Variants in IL1RAPL2 observed in about 807,000 individuals in gnomAD.
IL1RAPL2 encodes the protein X-linked interleukin-1 receptor accessory protein-like 2.
IL1RAPL2 carries 3 observed loss-of-function variants against 44.1 expected under a neutral mutation model. The ratio of observed to expected loss-of-function variants is 0.07; its 90% CI spans 0.03 to 0.18. The LOEUF (loss-of-function observed/expected upper bound fraction) is 0.18, where lower values mean the gene tolerates loss of function less well. IL1RAPL2 is among the 10% of genes least tolerant of loss of function. The pLI, the probability that IL1RAPL2 is intolerant of heterozygous loss-of-function variation, is 1.00. For missense variants in IL1RAPL2, 391 were observed against 496.4 expected (o/e 0.79, Z 2.02); for synonymous variants, 181 against 178.8 (o/e 1.01, Z -0.10).
intron 2 of IL1RAPL2, among the ~76,000 whole-genome samples, chrX:105,029,761 A>G (rs1325040778): frequency 9.0e-6 from 1 of 111,147 alleles, no homozygotes; most frequent in Non-Finnish European, 1.9e-5. Flanking sequence ...CTTTGGGTAT[A>G]TACCCAGTAA....
chrX:105,356,542 T>A (rs1019589936), intron 5 of IL1RAPL2, among the ~76,000 whole-genome samples: 2 of 111,907 alleles, frequency 1.8e-5, no homozygotes, highest in African/African-American at 6.5e-5. Flanking sequence ...GATAATGTTC[T>A]TTGTAAAAGG....
intron 2 of IL1RAPL2, among the ~76,000 whole-genome samples, chrX:104,911,581 G>T (rs1924238802): frequency 8.9e-6 from 1 of 111,762 alleles, no homozygotes; most frequent in African/African-American, 3.3e-5. Flanking sequence ...TCTTCCTGCA[G>T]TGGTCTCTGT....
chrX:104,900,116 A>T (rs1325594955), intron 2 of IL1RAPL2, among the ~76,000 whole-genome samples: 1 of 112,115 alleles, frequency 8.9e-6, no homozygotes, highest in African/African-American at 3.2e-5. Flanking sequence ...CTCATCTGCT[A>T]GGTGATATCT....
Position 105,302,943 on chromosome X carries a change from C to T in IL1RAPL2, c.697+35402C>T, listed in dbSNP as rs976736479. ...TGACCGCTGGGTTGGATGATTTGCC[C>T]CTGGCTAGGGCTTGTCTAAATGCCC... On this transcript the variant is annotated intron_variant, in intron 5 of 10. Transcript: ENST00000372582. Among the ~76,000 whole-genome samples the T allele has an allele frequency of 3.6e-5, 4 of 111,782 alleles. No homozygotes were observed. The East Asian group carries it at 8.5e-4, about 24-fold the overall frequency.
intron 5 of IL1RAPL2, among the ~76,000 whole-genome samples, chrX:105,428,981 A>C (rs1346716446): frequency 1.8e-5 from 2 of 111,581 alleles, no homozygotes; most frequent in Non-Finnish European, 3.8e-5. Context: ...TCTGCCCCAA[A>C]GACAGAAACT....
chrX:105,448,707 C>G (rs2035995308), intron 5 of IL1RAPL2, among the ~76,000 whole-genome samples: 1 of 110,789 alleles, frequency 9.0e-6, no homozygotes, highest in Non-Finnish European at 1.9e-5. Flanking sequence ...AGGCTTTTTT[C>G]TCTAGATCCT....
At chrX:105,004,385 T>C (rs2030905807) in intron 2 of IL1RAPL2, among the ~76,000 whole-genome samples, 2 of 110,708 alleles carry the variant, frequency 1.8e-5, no homozygotes, top group Non-Finnish European at 3.8e-5. Flanking sequence ...GAAACTTCTT[T>C]CTTGTTTTTT....
chrX:105,220,113 G>A (rs1263712853), intron 3 of IL1RAPL2: 12 of 1,209,950 alleles, frequency 9.9e-6, no homozygotes, highest in Middle Eastern at 2.3e-4. Flanking sequence ...GTTTGGCGAA[G>A]CCGTGCAGCC....
At chrX:105,347,538 G>T (rs972127050) in intron 5 of IL1RAPL2, among the ~76,000 whole-genome samples, 2 of 100,234 alleles carry the variant, frequency 2.0e-5, no homozygotes. Context: ...TCCTCCTCCC[G>T]CTCTTCCCTC....
intron 4 of IL1RAPL2, among the ~76,000 whole-genome samples, chrX:105,254,365 A>G (rs1463171145): frequency 3.6e-5 from 4 of 111,542 alleles, no homozygotes; most frequent in African/African-American, 1.3e-4. Context: ...TGAAAAGTGT[A>G]TGTTCATGTC....
chrX:105,499,427 G>T (rs1484369489), intron 6 of IL1RAPL2, among the ~76,000 whole-genome samples: 1 of 110,175 alleles, frequency 9.1e-6, no homozygotes, highest in Non-Finnish European at 1.9e-5. Context: ...TGCAGCAAAG[G>T]AAATAATCAG....
chrX:105,550,862 T>A (rs751298199), intron 6 of IL1RAPL2, among the ~76,000 whole-genome samples: 6 of 111,683 alleles, frequency 5.4e-5, no homozygotes, highest in Non-Finnish European at 7.5e-5. Context: ...ATCACCATAT[T>A]CTATATATTA....
chrX:104,920,926 G>C (rs1924619674), intron 2 of IL1RAPL2, among the ~76,000 whole-genome samples: 1 of 110,908 alleles, frequency 9.0e-6, no homozygotes, highest in Non-Finnish European at 1.9e-5. Context: ...ATTCAATAGA[G>C]AAGTGACAGA....
intron 2 of IL1RAPL2, among the ~76,000 whole-genome samples, chrX:104,697,860 T>G (rs773955889): frequency 8.9e-6 from 1 of 112,847 alleles, no homozygotes; most frequent in African/African-American, 3.2e-5. Flanking sequence ...TTTTAAACAA[T>G]ATGTATTTGT....
chrX:105,017,967 G>A (rs1441291906), intron 2 of IL1RAPL2, among the ~76,000 whole-genome samples: 1 of 111,465 alleles, frequency 9.0e-6, no homozygotes, highest in Non-Finnish European at 1.9e-5. Flanking sequence ...GTAAGCTACT[G>A]AATGCAACAC....
chrX:104,871,234 T>C (rs1443183051), intron 2 of IL1RAPL2, among the ~76,000 whole-genome samples: 1 of 111,791 alleles, frequency 8.9e-6, no homozygotes, highest in Non-Finnish European at 1.9e-5. Context: ...TAAAAATATT[T>C]TATATTCGAG....
At chrX:105,146,829 T>C (rs2033183809) in intron 2 of IL1RAPL2, among the ~76,000 whole-genome samples, 1 of 111,701 alleles carries the variant, frequency 9.0e-6, no homozygotes, top group South Asian at 3.7e-4. Context: ...AGGCAGAAGT[T>C]ATAGGCAAAG....
chrX:105,076,320 C>T (rs750684451), intron 2 of IL1RAPL2, among the ~76,000 whole-genome samples: 6 of 111,544 alleles, frequency 5.4e-5, no homozygotes, highest in African/African-American at 2.0e-4. Context: ...CATTCAGGAG[C>T]AGGTTGTTCA....
intron 5 of IL1RAPL2, among the ~76,000 whole-genome samples, chrX:105,399,207 G>GT (rs1309140531): frequency 3.6e-5 from 4 of 111,448 alleles, no homozygotes; most frequent in Non-Finnish European, 7.6e-5. Flanking sequence ...CACCACCAAT[G>GT]TTTTGGGTTC....
Sources: allele counts gnomAD v4.1 joint callset (sites outside exome capture counted in the v4.1 genomes callset), GRCh38; gene constraint gnomAD v4.1.1; transcripts MANE v1.5; gene names NCBI Gene and HGNC (gene_info 2026-07-23, HGNC 2026-07-21).